The following SRGAP3 variants were observed in gnomAD, a reference collection of about 807,000 sequenced individuals.
The protein encoded by SRGAP3 is SLIT-ROBO Rho GTPase-activating protein 3.
In SRGAP3, 39 loss-of-function variants were observed where a neutral mutation model predicts 121.1. The ratio of observed to expected loss-of-function variants is 0.32; its 90% CI spans 0.25 to 0.42. SRGAP3 has a LOEUF of 0.42. Ranked by LOEUF, SRGAP3 falls within the 10% of genes least tolerant of loss-of-function variation. The probability of loss-of-function intolerance (pLI) is 1.00; values close to 1 mark genes in which losing one functional copy is unlikely to be tolerated. For missense variants in SRGAP3, 1,213 were observed against 1,470.6 expected (o/e 0.82, Z 2.86); for synonymous variants, 601 against 570.0 (o/e 1.05, Z -0.77).
intron 14 of SRGAP3, among the ~76,000 whole-genome samples, chr3:9,024,266 T>C (rs938359747): frequency 3.3e-5 from 5 of 152,202 alleles, no homozygotes; most frequent in South Asian, 2.1e-4. Flanking sequence ...CATGACCTTT[T>C]CAAATATTGG....
At chr3:9,216,367 C>T (rs1476530700) in intron 1 of SRGAP3, among the ~76,000 whole-genome samples, 1 of 152,208 alleles carries the variant, frequency 6.6e-6, no homozygotes, top group Non-Finnish European at 1.5e-5. Context: ...GGTCAAGGTA[C>T]TAAGCATCTG....
intron 1 of SRGAP3, among the ~76,000 whole-genome samples, chr3:9,231,337 G>A (rs1208924608): frequency 3.3e-5 from 5 of 152,136 alleles, no homozygotes. Flanking sequence ...GCCTCCCTTG[G>A]AAACGGCCGT....
chr3:9,135,734 C>T (rs141449592), intron 1 of SRGAP3, among the ~76,000 whole-genome samples: 2 of 152,188 alleles, frequency 1.3e-5, no homozygotes, highest in African/African-American at 2.4e-5. Context: ...GGACCCTCGG[C>T]GAATAGCATC....
Position 9,109,415 on chromosome 3 carries a change from T to C in SRGAP3, c.261-4573A>G, listed in dbSNP as rs1178425777. Reference sequence around the variant, plus strand: ...GAGGCAGTGCGGTATAAGACAGAATTGCAGGAGGCAGAGCGAGCCAAGGCA... The same window carrying C: ...GAGGCAGTGCGGTATAAGACAGAATCGCAGGAGGCAGAGCGAGCCAAGGCA... On this transcript the variant is annotated intron_variant, in intron 2 of 21. Coordinates refer to ENST00000383836, the MANE Select transcript of SRGAP3 (RefSeq NM_014850.4). This position sits in a 1 kb window ranked among gnomAD's most constrained non-coding sequence, Gnocchi z 4.4. Among the ~76,000 whole-genome samples the C allele has an allele frequency of 3.3e-5, 5 of 152,136 alleles. No individual in the cohort carries two copies. Among genetic ancestry groups the C allele is most frequent in the Non-Finnish European group, 7.4e-5 (5 of 68,018 alleles).
chr3:9,315,989 A>G (rs1202377726), intron 3 of SRGAP3, among the ~76,000 whole-genome samples: 2 of 152,246 alleles, frequency 1.3e-5, no homozygotes, highest in East Asian at 3.8e-4. Flanking sequence ...ATACTTCACG[A>G]AAGTGGATCA....
At chr3:9,227,365 G>T (rs759893380) in intron 1 of SRGAP3, among the ~76,000 whole-genome samples, 9 of 152,148 alleles carry the variant, frequency 5.9e-5, no homozygotes, top group Non-Finnish European at 1.0e-4. Flanking sequence ...TCAAAATCTG[G>T]GTAAGAGTAA....
At chr3:9,229,590 C>T (rs546689900) in intron 1 of SRGAP3, among the ~76,000 whole-genome samples, 28 of 152,288 alleles carry the variant, frequency 1.8e-4, no homozygotes, top group Non-Finnish European at 1.3e-4. Context: ...ACACATATCT[C>T]GCTAGAATCT....
At chr3:9,312,403 C>T (rs564956766) in intron 3 of SRGAP3, among the ~76,000 whole-genome samples, 35 of 152,276 alleles carry the variant, frequency 2.3e-4, no homozygotes, top group African/African-American at 4.8e-4. Context: ...GTGATCTGCC[C>T]GCCTCGGCCA....
intron 3 of SRGAP3, among the ~76,000 whole-genome samples, chr3:9,083,537 A>G (rs763656743): frequency 8.5e-5 from 13 of 152,246 alleles, no homozygotes; most frequent in African/African-American, 1.9e-4. Context: ...AAATTTTTCC[A>G]TCATGTAACT....
At chr3:9,225,005 A>G (rs1283719699) in intron 1 of SRGAP3, among the ~76,000 whole-genome samples, 1 of 152,162 alleles carries the variant, frequency 6.6e-6, no homozygotes, top group African/African-American at 2.4e-5. Context: ...AACTCGTAGC[A>G]GCCAACAGAT....
At chr3:9,134,015 G>A (rs550577781) in intron 1 of SRGAP3, among the ~76,000 whole-genome samples, 1 of 152,284 alleles carries the variant, frequency 6.6e-6, no homozygotes, top group South Asian at 2.1e-4. Context: ...TCATAAAAAA[G>A]GGAGAAAAAG....
At chr3:9,022,735 C>T (rs1943990056) in intron 14 of SRGAP3, among the ~76,000 whole-genome samples, 1 of 152,178 alleles carries the variant, frequency 6.6e-6, no homozygotes, top group Non-Finnish European at 1.5e-5. Context: ...AAAGCATGCT[C>T]CATTGTCAAC....
intron 3 of SRGAP3, among the ~76,000 whole-genome samples, chr3:9,261,923 T>C (rs557084886): frequency 2.9e-4 from 43 of 146,430 alleles, no homozygotes; most frequent in Non-Finnish European, 4.5e-4. Flanking sequence ...TTCACCAAGG[T>C]TGAAATGCAG....
chr3:8,998,684 T>C (rs948387301), intron 18 of SRGAP3, among the ~76,000 whole-genome samples: 1 of 152,210 alleles, frequency 6.6e-6, no homozygotes, highest in Non-Finnish European at 1.5e-5. Context: ...AGATTTTCTT[T>C]TCTTTCCTAC....
At chr3:9,052,599 A>T (rs1038117887) in intron 9 of SRGAP3, among the ~76,000 whole-genome samples, 1 of 152,226 alleles carries the variant, frequency 6.6e-6, no homozygotes, top group Admixed American at 6.5e-5. Flanking sequence ...ATGAAGGGCT[A>T]GCAACTCAAG....
chr3:9,126,226 C>T (rs572543307), intron 1 of SRGAP3, among the ~76,000 whole-genome samples: 1 of 152,302 alleles, frequency 6.6e-6, no homozygotes, highest in African/African-American at 2.4e-5. Context: ...CACAATGGTC[C>T]TGTTCTCTCT....
rs149473343 is a variant in SRGAP3 at position 9,081,006 on chromosome 3, G to T, written c.424-919C>A. Among the ~76,000 whole-genome samples, 63 of 152,100 alleles carry T rather than the reference G, an allele frequency of 4.1e-4. 1 individual carries two copies. Among genetic ancestry groups the T allele is most frequent in the Admixed American group, 4.1e-3 (63 of 15,266 alleles). On this transcript the variant is annotated intron_variant, in intron 3 of 21. Transcript: ENST00000383836. ...CATCCCGAAACCATCGCCCCACCCT[G>T]GTCCATGGAAAAATTGTCTTCCACA...
chr3:9,150,142 G>A (rs113185027), intron 1 of SRGAP3, among the ~76,000 whole-genome samples: 24 of 152,230 alleles, frequency 1.6e-4, no homozygotes, highest in African/African-American at 5.5e-4. Context: ...CTAATGAGAT[G>A]AGGGGGTGCC....
At chr3:9,037,086 T>C (rs1469329890) in intron 11 of SRGAP3, 1 of 152,022 alleles carries the variant, frequency 6.6e-6, no homozygotes, top group East Asian at 1.9e-4. Flanking sequence ...CAGGAGAGAG[T>C]TGGGAGTTCA....
Sources: gnomAD v4.1 joint callset for allele counts (sites outside exome capture counted in the v4.1 genomes callset) on GRCh38, gnomAD v4.1.1 for gene constraint, Gnocchi (gnomAD v3.1) non-coding constraint, MANE v1.5 for transcripts, NCBI Gene and HGNC (gene_info 2026-07-23, HGNC 2026-07-21) for gene names.